Variants in SEL1L2 observed in about 807,000 individuals in gnomAD.
SEL1L2 encodes the protein protein sel-1 homolog 2.
In SEL1L2, 89 loss-of-function variants were observed where a neutral mutation model predicts 98.8. The observed-to-expected ratio is 0.90, with a 90% CI of 0.76 to 1.07. SEL1L2 has a LOEUF of 1.07. Ranked by LOEUF, SEL1L2 falls within the 50% of genes least tolerant of loss-of-function variation. The pLI, the probability that SEL1L2 is intolerant of heterozygous loss-of-function variation, is 0.00. For synonymous variants in SEL1L2, 262 were observed against 278.5 expected, an observed-to-expected ratio of 0.94 and a Z score of 0.59; for missense variants, 788 against 812.0, an observed-to-expected ratio of 0.97 and a Z score of 0.36.
At chr20:13,864,433 C>T (rs977586890) in intron 17 of SEL1L2, among the ~76,000 whole-genome samples, 3 of 152,192 alleles carry the variant, frequency 2.0e-5, no homozygotes, top group Admixed American at 2.0e-4. Context: ...AGAGTTTTCA[C>T]ATATCCAAAT....
intron 17 of SEL1L2, among the ~76,000 whole-genome samples, chr20:13,861,086 T>C (rs2147780136): frequency 6.6e-6 from 1 of 152,340 alleles, no homozygotes; most frequent in East Asian, 1.9e-4. Context: ...TATTCCAGCC[T>C]ACAATACTAC....
chr20:13,865,445 C>A lies in SEL1L2; in HGVS notation c.1474G>T (p.Asp492Tyr). ...KFLTAYFAYK[D>Y]GDIDSSLVQY... ...ACAAGAGAAGAATCTATATCACCAT[C>A]CTTATAGGCAAAGTAAGCTGTCAGG... The change falls in exon 16 of 20, where the codon GAT (aspartate) becomes TAT (tyrosine). Residue 492 changes from aspartate to tyrosine, a missense_variant. Asp to Tyr is a radical substitution (Grantham distance 160, BLOSUM62 -3). Coordinates refer to ENST00000284951, the MANE Select transcript of SEL1L2 (RefSeq NM_025229.2). 1 of 1,614,126 alleles carries A rather than the reference C, an allele frequency of 6.2e-7. No homozygotes were observed.
intron 10 of SEL1L2, among the ~76,000 whole-genome samples, chr20:13,879,589 G>C (rs2046599488): frequency 6.6e-6 from 1 of 152,168 alleles, no homozygotes; most frequent in South Asian, 2.1e-4. Flanking sequence ...CTGACCTCAG[G>C]TGATCCTCCC....
chr20:13,980,605 T>G (rs2051766007), intron 1 of SEL1L2, among the ~76,000 whole-genome samples: 1 of 152,170 alleles, frequency 6.6e-6, no homozygotes, highest in Admixed American at 6.5e-5. Flanking sequence ...AGAAAAGAAT[T>G]GGCATATGAT....
Position 13,912,227 on chromosome 20 carries a change from G to A in SEL1L2, c.549+1555C>T, listed in dbSNP as rs1045907661. ...ACATACAGACTCACAGGACACCCAT[G>A]GGCTTTGTCGCCACCAGTGTATGAA... is the stretch of plus-strand genomic sequence containing the variant. On this transcript the variant is annotated intron_variant, in intron 5 of 19. Coordinates refer to ENST00000284951, the MANE Select transcript of SEL1L2 (RefSeq NM_025229.2). 4.0e-5 allele frequency among the ~76,000 whole-genome samples: 6 copies of A among 151,868 alleles called. No individual in the cohort carries two copies. In the South Asian group the frequency reaches 1.3e-3, roughly 32 times the overall value.
intron 2 of SEL1L2, among the ~76,000 whole-genome samples, chr20:13,954,436 C>T (rs1325723433): frequency 6.6e-6 from 1 of 152,068 alleles, no homozygotes; most frequent in African/African-American, 2.4e-5. Flanking sequence ...TTCACTTCTG[C>T]CATCTGTGCT....
intron 2 of SEL1L2, among the ~76,000 whole-genome samples, chr20:13,952,769 G>A (rs967242514): frequency 4.6e-5 from 7 of 151,848 alleles, no homozygotes; most frequent in Non-Finnish European, 7.4e-5. Flanking sequence ...GTGCCTGGAC[G>A]CCTGTAATCC....
Position 13,865,816 on chromosome 20 carries a change from C to T in SEL1L2, c.1405-302G>A, listed in dbSNP as rs528515226. ...GCTATTTGGAAGAATAAGAATGTAT[C>T]GCTAGTGTGTGTGTCTGTGTGTGTG... On this transcript the variant is annotated intron_variant, in intron 15 of 19. Coordinates refer to ENST00000284951, the MANE Select transcript of SEL1L2 (RefSeq NM_025229.2). Among the ~76,000 whole-genome samples, 11 of 130,332 alleles carry T rather than the reference C, an allele frequency of 8.4e-5. No individual in the cohort carries two copies. In the East Asian group the frequency reaches 8.8e-4, roughly 10 times the overall value. 85.5% of individuals were successfully genotyped at this position (130,332 alleles called of 152,430 possible). A position where few individuals can be genotyped will look rare whatever the true frequency, so the allele number is the denominator to read the frequency against.
chr20:13,903,347 C>G (rs2047769732), intron 5 of SEL1L2, among the ~76,000 whole-genome samples: 1 of 152,164 alleles, frequency 6.6e-6, no homozygotes, highest in Admixed American at 6.5e-5. Context: ...CACTCCTTCT[C>G]TCAGTAGAGT....
intron 5 of SEL1L2, among the ~76,000 whole-genome samples, chr20:13,911,329 A>T (rs527520821): frequency 5.3e-5 from 8 of 152,218 alleles, no homozygotes; most frequent in Non-Finnish European, 1.2e-4. Context: ...GTATACACAC[A>T]CTAAGAAAAT....
At chr20:13,982,502 C>A in intron 1 of SEL1L2, among the ~76,000 whole-genome samples, 2 of 100,296 alleles carry the variant, frequency 2.0e-5, no homozygotes, top group African/African-American at 4.4e-5. Flanking sequence ...CAGAATGAGA[C>A]TCTGCCAAAA....
intron 2 of SEL1L2, among the ~76,000 whole-genome samples, chr20:13,953,908 C>A (rs940862195): frequency 6.6e-6 from 1 of 152,208 alleles, no homozygotes; most frequent in African/African-American, 2.4e-5. Flanking sequence ...GCCTCAGTTA[C>A]TTCCCGATGG....
chr20:13,850,350 G>T (rs754436210), intron 18 of SEL1L2, 31 bp from the exon 19 acceptor site: 1 of 1,612,092 alleles, frequency 6.2e-7, no homozygotes, highest in African/African-American at 1.3e-5. Context: ...CTACCCATCA[G>T]ATTCTGTAGG....
chr20:13,963,903 G>T (rs1278577741), intron 1 of SEL1L2, among the ~76,000 whole-genome samples: 1 of 151,796 alleles, frequency 6.6e-6, no homozygotes, highest in Non-Finnish European at 1.5e-5. Flanking sequence ...ATGGACTTTT[G>T]CTCTGTCACC....
chr20:13,921,635 A>G (rs958290773), intron 3 of SEL1L2, among the ~76,000 whole-genome samples: 12 of 152,228 alleles, frequency 7.9e-5, no homozygotes, highest in African/African-American at 2.9e-4. Flanking sequence ...TGTCAGGTAA[A>G]TAAAGTATTA....
chr20:13,908,160 C>G (rs1014102630), intron 5 of SEL1L2, among the ~76,000 whole-genome samples: 1 of 114,708 alleles, frequency 8.7e-6, no homozygotes, highest in Non-Finnish European at 1.6e-5. Context: ...CTCTGTTGCC[C>G]AGGCTGGAGT....
intron 15 of SEL1L2, among the ~76,000 whole-genome samples, chr20:13,865,892 C>T (rs1293281819): frequency 6.6e-6 from 1 of 151,306 alleles, no homozygotes. Context: ...TGCTGCTCTG[C>T]GAGGGCAAGT....
chr20:13,923,505 A>G (rs1224611144), intron 3 of SEL1L2, among the ~76,000 whole-genome samples: 1 of 152,198 alleles, frequency 6.6e-6, no homozygotes, highest in African/African-American at 2.4e-5. Flanking sequence ...GCAGTAGCTC[A>G]CACCTGTAAT....
chr20:13,968,177 G>A (rs1368845751), intron 1 of SEL1L2, among the ~76,000 whole-genome samples: 2 of 152,158 alleles, frequency 1.3e-5, no homozygotes, highest in Non-Finnish European at 2.9e-5. Flanking sequence ...TGGGGACTAG[G>A]TTTTTATTTA....
Sources: allele counts gnomAD v4.1 joint callset (sites outside exome capture counted in the v4.1 genomes callset), GRCh38; gene constraint gnomAD v4.1.1; transcripts MANE v1.5; gene names NCBI Gene and HGNC (gene_info 2026-07-23, HGNC 2026-07-21).